PAQR3: variants seen among roughly 807,000 people sequenced by gnomAD.
The protein encoded by PAQR3 is Raf kinase trapping to Golgi.
In PAQR3, 39 loss-of-function variants were observed where a neutral mutation model predicts 41.7. The observed-to-expected ratio is 0.93, with a 90% CI of 0.72 to 1.22. PAQR3 has a LOEUF of 1.22. Ranked by LOEUF, PAQR3 falls within the 50% of genes most tolerant of loss-of-function variation. The pLI, the probability that PAQR3 is intolerant of heterozygous loss-of-function variation, is 0.00. For synonymous variants in PAQR3, 140 were observed against 140.6 expected, an observed-to-expected ratio of 1.00 and a Z score of 0.03; for missense variants, 366 against 385.6, an observed-to-expected ratio of 0.95 and a Z score of 0.42.
chr4:78,892,778 CA>C (rs1467792916), intron 11 of PAQR3, among the ~76,000 whole-genome samples: 1 of 151,952 alleles, frequency 6.6e-6, no homozygotes, highest in Non-Finnish European at 1.5e-5. Flanking sequence ...GTTAAGTATG[CA>C]ATAATATTAT....
At chr4:78,893,867 A>G (rs1412687576) in intron 11 of PAQR3, among the ~76,000 whole-genome samples, 1 of 152,218 alleles carries the variant, frequency 6.6e-6, no homozygotes, top group Non-Finnish European at 1.5e-5. Flanking sequence ...CCCAGCTAAT[A>G]AGACTTGAAA....
At chr4:78,908,909 G>A (rs1274718787), downstream of PAQR3, among the ~76,000 whole-genome samples, 2 of 151,826 alleles carry the variant, frequency 1.3e-5, no homozygotes, top group Non-Finnish European at 2.9e-5. Flanking sequence ...TAATGGTGCT[G>A]CCATCCACCA....
chr4:78,910,739 G>T (rs758951246), downstream of PAQR3: 11 of 1,613,748 alleles, frequency 6.8e-6, no homozygotes, highest in Middle Eastern at 3.3e-4. Context: ...TCAGTACAGG[G>T]TCAAGTGCAA....
intron 4 of PAQR3, 39 bp from the exon 5 acceptor site, chr4:78,923,986 T>A (rs1237929111): frequency 3.6e-6 from 5 of 1,399,922 alleles, no homozygotes; most frequent in Non-Finnish European, 5.1e-6. Context: ...ATCTTCCTAC[T>A]GTTACTGAAC....
chr4:78,937,299 G>A (rs961004536), intron 1 of PAQR3, among the ~76,000 whole-genome samples: 12 of 152,212 alleles, frequency 7.9e-5, no homozygotes, highest in Admixed American at 1.3e-4. Flanking sequence ...CATGCTTTCT[G>A]CAGGCGGCAG....
chr4:78,910,015 T>C (rs1032971817), downstream of PAQR3, among the ~76,000 whole-genome samples: 3 of 152,206 alleles, frequency 2.0e-5, no homozygotes, highest in Non-Finnish European at 4.4e-5. Flanking sequence ...AGTCATATCA[T>C]CTAGAGAAGG....
chr4:78,904,394 CA>C (rs1244794571), intron 11 of PAQR3, among the ~76,000 whole-genome samples: 1 of 151,896 alleles, frequency 6.6e-6, no homozygotes, highest in Non-Finnish European at 1.5e-5. Context: ...ATTTCTGATT[CA>C]AGTACCATTT....
chr4:78,901,230 A>T (rs947915067), intron 11 of PAQR3, among the ~76,000 whole-genome samples: 5 of 142,104 alleles, frequency 3.5e-5, no homozygotes, highest in African/African-American at 8.1e-5. Context: ...TTATTTTATT[A>T]TTTTTTTTTT....
At chr4:78,897,763 T>A (rs1055485596) in intron 11 of PAQR3, among the ~76,000 whole-genome samples, 3 of 152,194 alleles carry the variant, frequency 2.0e-5, no homozygotes, top group Non-Finnish European at 2.9e-5. Context: ...GTGATTAATA[T>A]GGGCATAGTC....
intron 2 of PAQR3, 127 bp downstream of exon 2, chr4:78,934,994 T>C: frequency 1.3e-6 from 1 of 748,496 alleles, no homozygotes; most frequent in East Asian, 2.5e-5. Flanking sequence ...TGAAAATCAA[T>C]AAGCTGACCA....
Position 78,939,196 on chromosome 4 carries a change from T to G in PAQR3, c.29A>C (p.His10Pro). ...CTGGTAGCTGCCCAGCTCGATGTAA[T>G]GCGCGCTCTTCAGCAGCTTCTGATG... MHQKLLKSA[H>P]YIELGSYQYW... is the part of the protein sequence containing the mutation. The change falls in exon 1 of 6, where the codon CAT (histidine) becomes CCT (proline). Residue 10 changes from histidine to proline, a missense_variant. Physicochemically the swap from His to Pro is moderately conservative, Grantham distance 77. Coordinates refer to ENST00000512733, the MANE Select transcript of PAQR3 (RefSeq NM_001040202.2). The G allele has an allele frequency of 6.2e-7, 1 of 1,608,822 alleles. No individual in the cohort carries two copies. Among genetic ancestry groups the G allele is most frequent in the South Asian group, 1.1e-5 (1 of 90,348 alleles).
In PAQR3 at chr4:78,926,689, C is replaced by G; in HGVS notation, c.534G>C (p.Val178=). The G allele has an allele frequency of 6.2e-7, 1 of 1,613,918 alleles. No individual in the cohort carries two copies. Among genetic ancestry groups the G allele is most frequent in the Non-Finnish European group, 8.5e-7 (1 of 1,179,858 alleles). ...NYWRQVYLIT[V]LAMILAVFFA... is the part of the protein sequence containing the mutation. ...AGAACACTGCCAGGATCATAGCAAGCACTGTGATCAAGTACACCTGACGCC... is the reference window on the plus strand; with the variant it reads ...AGAACACTGCCAGGATCATAGCAAGGACTGTGATCAAGTACACCTGACGCC... Residue 178 remains valine, a synonymous_variant, in exon 4 of 6, where the codon GTG becomes GTC. Transcript: ENST00000512733.
At chr4:78,903,094 GGTATT>G (rs150095379) in intron 11 of PAQR3, among the ~76,000 whole-genome samples, 17 of 151,842 alleles carry the variant, frequency 1.1e-4, no homozygotes, top group East Asian at 1.9e-4. Context: ...TTCCCACCAA[GGTATT>G]GTATTGTATT....
Position 78,935,226 on chromosome 4 carries a change from A to G in PAQR3, c.243T>C (p.Phe81=), listed in dbSNP as rs1482222490. ...VNIWSHLLGF[F]LFFTLGIYDM... is the part of the protein sequence containing the mutation. ...CATATATTCCCAGGGTGAAGAAGAG[A>G]AAGAAACCCAGCAAATGACTCCAGA... The change falls in exon 2 of 6, where the codon TTT becomes TTC. Residue 81 remains phenylalanine, a synonymous_variant. Coordinates refer to ENST00000512733, the MANE Select transcript of PAQR3 (RefSeq NM_001040202.2). The G allele has an allele frequency of 6.2e-7, 1 of 1,613,772 alleles. No individual in the cohort carries two copies. Among genetic ancestry groups the G allele is most frequent in the Non-Finnish European group, 8.5e-7 (1 of 1,179,836 alleles).
chr4:78,897,210 T>G (rs1733750894), intron 11 of PAQR3, among the ~76,000 whole-genome samples: 1 of 152,112 alleles, frequency 6.6e-6, no homozygotes, highest in African/African-American at 2.4e-5. Flanking sequence ...TTTTAAGCCT[T>G]ATTTCTGGGA....
In PAQR3 at chr4:78,917,311, A is replaced by G. The variant is rs1735174314; in HGVS notation, c.*3228T>C. ...AATTGAGATTATGTGCAGGTTAGGT[A>G]GTATTTTGATCTCAGATTTTATAGA... On this transcript the variant is annotated 3_prime_UTR_variant, in exon 6 of 6. Transcript: ENST00000512733. 1 of 151,942 alleles carries G rather than the reference A, an allele frequency of 6.6e-6. No homozygotes were observed. Among genetic ancestry groups the G allele is most frequent in the African/African-American group, 2.4e-5 (1 of 41,416 alleles). 9.4% of individuals were successfully genotyped at this position (151,942 alleles called of 1,614,324 possible). A position where few individuals can be genotyped will look rare whatever the true frequency, so the allele number is the denominator to read the frequency against.
intron 1 of PAQR3, among the ~76,000 whole-genome samples, chr4:78,935,907 T>C (rs1737378723): frequency 6.6e-6 from 1 of 152,202 alleles, no homozygotes; most frequent in Non-Finnish European, 1.5e-5. Context: ...TTAAAACTAG[T>C]CTAGTTTCCA....
Position 78,939,399 on chromosome 4 carries a change from CCAGCGCCGCGGCGGACCCGG to C in PAQR3, c.-195_-176del. ...TCTGCGCTCACACCGGCCACTGCCGCCAGCGCCGCGGCGGACCCGGCAGCGTCGCAGCCTCCTCTGACGTC... is the reference window on the plus strand; with the variant it reads ...TCTGCGCTCACACCGGCCACTGCCGCCAGCGTCGCAGCCTCCTCTGACGTC... On this transcript the variant is annotated 5_prime_UTR_variant, in exon 1 of 6. Coordinates refer to ENST00000512733, the MANE Select transcript of PAQR3 (RefSeq NM_001040202.2). 2.6e-6 allele frequency: 1 copy of C among 378,352 alleles called. No individual in the cohort carries two copies. The highest frequency in any genetic ancestry group is 5.9e-5 in the East Asian group (1 of 16,992). 23.4% of individuals were successfully genotyped at this position (378,352 alleles called of 1,614,324 possible).
At chr4:78,922,812 G>T (rs1197146257) in intron 5 of PAQR3, 1 of 418,204 alleles carries the variant, frequency 2.4e-6, no homozygotes, top group East Asian at 7.2e-5. Flanking sequence ...GGAGCTGAGA[G>T]CACTTAAGTA....
Sources: gnomAD v4.1 joint callset for allele counts (sites outside exome capture counted in the v4.1 genomes callset) on GRCh38, gnomAD v4.1.1 for gene constraint, MANE v1.5 for transcripts, NCBI Gene and HGNC (gene_info 2026-07-23, HGNC 2026-07-21) for gene names.